The following ZNF99 variants were observed in gnomAD, a reference collection of about 807,000 sequenced individuals.
The protein encoded by ZNF99 is zinc finger protein 99.
A neutral mutation model predicts 12.8 loss-of-function variants in ZNF99; 8 were observed. The ratio of observed to expected loss-of-function variants is 0.62; its 90% CI spans 0.37 to 1.13. The LOEUF is 1.13. Among genes scored for constraint, ZNF99 ranks in the 50% most tolerant of loss-of-function variants. The pLI is 0.02. For missense variants in ZNF99, 1,007 were observed against 1,006.2 expected, an observed-to-expected ratio of 1.00 and a Z score of -0.01; for synonymous variants, 318 against 319.0, an observed-to-expected ratio of 1.00 and a Z score of 0.03.
intron 3 of ZNF99, among the ~76,000 whole-genome samples, chr19:22,760,987 G>C (rs1157478704): frequency 6.6e-6 from 1 of 151,582 alleles, no homozygotes; most frequent in East Asian, 1.9e-4. Flanking sequence ...CAGATTTCCA[G>C]GACAAGGCTA....
intron 1 of ZNF99, among the ~76,000 whole-genome samples, chr19:22,778,604 T>C (rs1233190544): frequency 1.3e-5 from 2 of 152,232 alleles, no homozygotes; most frequent in Admixed American, 6.5e-5. Context: ...AATAATTTTA[T>C]AGAGCTAGTC....
chr19:22,766,102 AGTT>A (rs1050319233), intron 3 of ZNF99, among the ~76,000 whole-genome samples: 67 of 151,794 alleles, frequency 4.4e-4, no homozygotes, highest in East Asian at 1.7e-3. Context: ...TATTCAATTA[AGTT>A]GTTATGATAT....
At chr19:22,781,003 A>C (rs2145162093) in intron 1 of ZNF99, among the ~76,000 whole-genome samples, 1 of 152,286 alleles carries the variant, frequency 6.6e-6, no homozygotes, top group South Asian at 2.1e-4. Context: ...AAATCACCCA[A>C]CCATAAAAAA....
rs1973045157 is a variant in ZNF99 at position 22,755,993 on chromosome 19, A to T, written c.*1321T>A. 1 of 652,642 alleles carries T rather than the reference A, an allele frequency of 1.5e-6. No homozygotes were observed. The allele number at this position is 652,642 out of a possible 1,614,324, so 40.4% of individuals were successfully genotyped here. ...GTATCAATTATTTTATGTGTATTTA[A>T]GGTGTGAGGACTGGTTAAAGGCTTT... On this transcript the variant is annotated 3_prime_UTR_variant, in exon 4 of 4. Coordinates refer to ENST00000596209, the MANE Select transcript of ZNF99 (RefSeq NM_001080409.3).
chr19:22,756,797 TC>T lies in ZNF99; in HGVS notation c.*516del. ...CCACATTCTTCACATTTGTAGGGTTTCTTTCCAGTATAATTATCTCATGTTT... is the reference window on the plus strand; with the variant it reads ...CCACATTCTTCACATTTGTAGGGTTTTTTCCAGTATAATTATCTCATGTTT... On this transcript the variant is annotated 3_prime_UTR_variant, in exon 4 of 4. Transcript: ENST00000596209. 5 of 1,612,278 alleles carry T rather than the reference TC, an allele frequency of 3.1e-6. 1 individual carries two copies. The South Asian group carries it at 5.5e-5, about 18-fold the overall frequency.
chr19:22,773,834 C>A (rs1973297999), intron 1 of ZNF99: 1 of 152,250 alleles, frequency 6.6e-6, no homozygotes, highest in South Asian at 2.1e-4. Context: ...ACTGCCACAG[C>A]AGCACTCCAG....
chr19:22,770,112 T>TG, intron 1 of ZNF99: 2 of 902,360 alleles, frequency 2.2e-6, no homozygotes, highest in Non-Finnish European at 2.9e-6. Context: ...CAGTAATGCC[T>TG]GTTTTTGGCC....
chr19:22,771,998 G>C (rs961981981), intron 1 of ZNF99, among the ~76,000 whole-genome samples: 1 of 151,444 alleles, frequency 6.6e-6, no homozygotes, highest in Admixed American at 6.6e-5. Context: ...TCACAGGCGT[G>C]AGCCACCGCG....
chr19:22,779,731 A>G (rs984443987), intron 1 of ZNF99, among the ~76,000 whole-genome samples: 1 of 151,770 alleles, frequency 6.6e-6, no homozygotes, highest in African/African-American at 2.4e-5. Flanking sequence ...CTGATCTAAA[A>G]TCTCTTTCTT....
At chr19:22,782,661 CTTTTTT>C (rs71180598) in intron 1 of ZNF99, among the ~76,000 whole-genome samples, 4 of 86,650 alleles carry the variant, frequency 4.6e-5, no homozygotes, top group African/African-American at 1.3e-4. Context: ...CGCACCTGGC[CTTTTTT>C]TTTTTTTTTT....
At chr19:22,760,482 G>A (rs1391365286) in intron 3 of ZNF99, among the ~76,000 whole-genome samples, 7 of 152,034 alleles carry the variant, frequency 4.6e-5, no homozygotes, top group Non-Finnish European at 1.0e-4. Flanking sequence ...CGGTGGCTCA[G>A]GCCTGTAATC....
intron 3 of ZNF99, among the ~76,000 whole-genome samples, chr19:22,760,753 T>A (rs1424791858): frequency 1.3e-5 from 2 of 151,514 alleles, no homozygotes; most frequent in East Asian, 1.9e-4. Context: ...CAAAAAAAAA[T>A]AAATGAATAA....
chr19:22,783,925 A>T, intron 1 of ZNF99, 89 bp downstream of exon 1: 2 of 1,532,426 alleles, frequency 1.3e-6, no homozygotes, highest in Non-Finnish European at 1.8e-6. Context: ...GAGCTCACTG[A>T]GGGGAGGCCT....
intron 1 of ZNF99, among the ~76,000 whole-genome samples, chr19:22,777,229 C>T (rs1192685972): frequency 6.6e-6 from 1 of 152,078 alleles, no homozygotes; most frequent in Non-Finnish European, 1.5e-5. Flanking sequence ...AAAAAGTGAA[C>T]AAGATTATGT....
Position 22,757,458 on chromosome 19 carries a change from G to A in ZNF99, c.2451C>T (p.Tyr817=). 1 of 1,610,020 alleles carries A rather than the reference G, an allele frequency of 6.2e-7. No homozygotes were observed. The highest frequency in any genetic ancestry group is 8.5e-7 in the Non-Finnish European group (1 of 1,179,484). Residue 817 remains tyrosine, a synonymous_variant, in exon 4 of 4, where the codon TAC becomes TAT. Transcript: ENST00000596209. ...AAGCTTTACCACATTCTTCACATTT[G>A]TAGGATTTCTCTCCAGTATGAATTA... ...HEIIHTGEKS[Y]KCEECGKAFQ...
rs1422488405 is a variant in ZNF99, at chr19:22,756,312, T to C, written c.*1002A>G. The C allele has an allele frequency of 1.2e-5, 19 of 1,576,116 alleles. No homozygotes were observed. The highest frequency in any genetic ancestry group is 1.6e-5 in the Non-Finnish European group (19 of 1,160,928). On this transcript the variant is annotated 3_prime_UTR_variant, in exon 4 of 4. Transcript: ENST00000596209. Reference sequence around the variant, plus strand: ...TTGTAGGTTTTCCCTCCAGTATGAATTGTTTTATGTTGAGTAAGGTGTGAG... The same window carrying C: ...TTGTAGGTTTTCCCTCCAGTATGAACTGTTTTATGTTGAGTAAGGTGTGAG...
rs763705030 is a variant in ZNF99, at chr19:22,758,784, G to C, written c.1125C>G (p.Gly375=). The C allele has an allele frequency of 1.9e-6, 3 of 1,604,084 alleles. No homozygotes were observed. In the South Asian group the frequency reaches 3.3e-5, roughly 18 times the overall value. ...GGGCTGACAAATTGCTAAAAGCTTT[G>C]CCGCATTCTTCATATTTGTAGGGTT... ...EEKPYKYEEC[G]KAFSNLSALR... Residue 375 remains glycine, a synonymous_variant, in exon 4 of 4, where the codon GGC becomes GGG. Transcript: ENST00000596209.
At position 22,768,383 on chromosome 19, in the gene ZNF99, G is replaced by T. The variant is rs1259210628; in HGVS notation, c.148C>A (p.Leu50Ile). The T allele has an allele frequency of 1.2e-6, 2 of 1,612,148 alleles. No homozygotes were observed. ...TGCTTCAGACAAGTTATCAAGTCTA[G>T]CTTAGAGACAGCGATACCTGTTTTA... ...LVFLGIAVSK[L>I]DLITCLKQGK... Residue 50 changes from leucine to isoleucine, a missense_variant, in exon 3 of 4, where the codon CTA (leucine) becomes ATA (isoleucine). Physicochemically the swap from Leu to Ile is conservative, Grantham distance 5. Coordinates refer to ENST00000596209, the MANE Select transcript of ZNF99 (RefSeq NM_001080409.3).
At chr19:22,766,665 T>C (rs1481948499) in intron 3 of ZNF99, among the ~76,000 whole-genome samples, 1 of 150,768 alleles carries the variant, frequency 6.6e-6, no homozygotes, top group Non-Finnish European at 1.5e-5. Flanking sequence ...CTTTTTTTTT[T>C]TTTGAGTCGG....
Sources: allele counts gnomAD v4.1 joint callset (sites outside exome capture counted in the v4.1 genomes callset), GRCh38; gene constraint gnomAD v4.1.1; transcripts MANE v1.5; gene names NCBI Gene and HGNC (gene_info 2026-07-23, HGNC 2026-07-21).